Variants in DGCR2 observed in about 807,000 individuals in gnomAD.
DGCR2 encodes the protein DiGeorge syndrome critical region gene 2, also known as integral membrane protein DGCR2/IDD.
Under a neutral mutation model 51.6 loss-of-function variants are expected in DGCR2, and 24 were observed. The observed-to-expected ratio is 0.47, with a 90% CI of 0.34 to 0.65. The LOEUF (loss-of-function observed/expected upper bound fraction) is 0.65, where lower values mean the gene tolerates loss of function less well. Ranked by LOEUF, DGCR2 falls within the 30% of genes least tolerant of loss-of-function variation. The probability of loss-of-function intolerance (pLI) is 0.01; values close to 1 mark genes in which losing one functional copy is unlikely to be tolerated. For missense variants in DGCR2, 765 were observed against 772.1 expected (o/e 0.99, Z 0.11); for synonymous variants, 340 against 315.4 (o/e 1.08, Z -0.82).
At chr22:19,079,231 C>T (rs1009647431) in intron 2 of DGCR2, among the ~76,000 whole-genome samples, 1 of 152,102 alleles carries the variant, frequency 6.6e-6, no homozygotes, top group Non-Finnish European at 1.5e-5. Context: ...TGAGTGCCAA[C>T]GTTGTACTCA....
chr22:19,059,954 A>G (rs1160266027), intron 5 of DGCR2, among the ~76,000 whole-genome samples: 1 of 152,084 alleles, frequency 6.6e-6, no homozygotes, highest in Non-Finnish European at 1.5e-5. Context: ...GAGCCCTCAA[A>G]GAACCTCCCC....
At chr22:19,115,386 C>T (rs945270186) in intron 1 of DGCR2, among the ~76,000 whole-genome samples, 1 of 152,232 alleles carries the variant, frequency 6.6e-6, no homozygotes, top group African/African-American at 2.4e-5. Flanking sequence ...TCTCACCTCT[C>T]AGCTCAGCTC....
At chr22:19,056,846 G>T in intron 6 of DGCR2, 140 bp downstream of exon 6, 1 of 954,038 alleles carries the variant, frequency 1.0e-6, no homozygotes, top group Non-Finnish European at 1.5e-6. Context: ...TGGGCCCCAA[G>T]AACAAGGTGT....
chr22:19,091,546 T>C (rs994426550), intron 1 of DGCR2, among the ~76,000 whole-genome samples: 2 of 152,222 alleles, frequency 1.3e-5, no homozygotes, highest in African/African-American at 2.4e-5. Context: ...GAAACTACTG[T>C]AACTGCTAAT....
At chr22:19,103,416 C>CTTTTTTTTTTTTTTTTTTTTTTT (rs55877455) in intron 1 of DGCR2, among the ~76,000 whole-genome samples, 1 of 67,716 alleles carries the variant, frequency 1.5e-5, no homozygotes, top group Non-Finnish European at 3.0e-5. Context: ...AAAAAAAGTT[C>CTTTTTTTTTTTTTTTTTTTTTTT]TTTTTTTTTT....
At chr22:19,116,716 G>GT (rs1006328063) in intron 1 of DGCR2, among the ~76,000 whole-genome samples, 15 of 152,134 alleles carry the variant, frequency 9.9e-5, no homozygotes, top group Admixed American at 9.8e-4. Flanking sequence ...ATTCCACTTA[G>GT]AGTCAAGAAA....
chr22:19,100,348 C>T (rs1182251254), intron 1 of DGCR2, among the ~76,000 whole-genome samples: 1 of 152,164 alleles, frequency 6.6e-6, no homozygotes. Flanking sequence ...TGATGACTGT[C>T]ACCTTGCTGT....
At chr22:19,049,688 G>C (rs563651917) in intron 6 of DGCR2, among the ~76,000 whole-genome samples, 2 of 152,104 alleles carry the variant, frequency 1.3e-5, no homozygotes, top group Admixed American at 6.5e-5. Context: ...TTAGCCAAGC[G>C]TGGTGGCATG....
At chr22:19,108,230 A>C (rs2083278766) in intron 1 of DGCR2, among the ~76,000 whole-genome samples, 2 of 152,324 alleles carry the variant, frequency 1.3e-5, no homozygotes, top group Admixed American at 1.3e-4. Context: ...ATGATAAATC[A>C]GACTTCTTTA....
chr22:19,071,568 T>C (rs1043832029), intron 2 of DGCR2, among the ~76,000 whole-genome samples: 1 of 152,120 alleles, frequency 6.6e-6, no homozygotes, highest in African/African-American at 2.4e-5. Flanking sequence ...ACCTGGACTC[T>C]TCAAATATGG....
intron 7 of DGCR2, 37 bp from the exon 8 acceptor site, chr22:19,041,996 G>T (rs538321812): frequency 2.5e-6 from 4 of 1,600,050 alleles, no homozygotes; most frequent in Non-Finnish European, 3.4e-6. Flanking sequence ...CTCTGAGAAG[G>T]GGGCCACCCT....
chr22:19,107,122 G>C (rs1030266935), intron 1 of DGCR2, among the ~76,000 whole-genome samples: 1 of 152,146 alleles, frequency 6.6e-6, no homozygotes, highest in African/African-American at 2.4e-5. Context: ...CTAAATGGCA[G>C]TAGCTCCCCA....
intron 1 of DGCR2, among the ~76,000 whole-genome samples, chr22:19,093,848 A>G (rs942283478): frequency 6.6e-6 from 1 of 152,038 alleles, no homozygotes; most frequent in Non-Finnish European, 1.5e-5. Context: ...CAAAAAAAAA[A>G]CAAAAAAATT....
chr22:19,040,786 A>C (rs1025964527), intron 9 of DGCR2, among the ~76,000 whole-genome samples: 2 of 152,200 alleles, frequency 1.3e-5, no homozygotes, highest in African/African-American at 4.8e-5. Flanking sequence ...GGCTGCCCAG[A>C]TGACAGGTGC....
intron 3 of DGCR2, chr22:19,065,322 G>C: frequency 6.0e-6 from 3 of 498,418 alleles, no homozygotes; most frequent in Non-Finnish European, 1.1e-5. Flanking sequence ...TTATTCACTA[G>C]TCAAGAACGG....
chr22:19,064,754 G>T, intron 4 of DGCR2, 94 bp downstream of exon 4: 1 of 1,238,652 alleles, frequency 8.1e-7, no homozygotes, highest in Non-Finnish European at 1.1e-6. Flanking sequence ...TCTGCCAGCT[G>T]TGCTCCAGGA....
chr22:19,048,361 C>A (rs558342126), intron 7 of DGCR2, 79 bp downstream of exon 7: 1 of 1,473,094 alleles, frequency 6.8e-7, no homozygotes, highest in Non-Finnish European at 9.5e-7. Context: ...GAGTCCTCAC[C>A]ACTGAGGAAG....
chr22:19,060,273 T>C (rs2082646427), intron 5 of DGCR2, among the ~76,000 whole-genome samples: 1 of 152,202 alleles, frequency 6.6e-6, no homozygotes, highest in South Asian at 2.1e-4. Context: ...CCCTGACTGC[T>C]GGCCTCAGCG....
At chr22:19,113,851 G>C (rs1469802705) in intron 1 of DGCR2, among the ~76,000 whole-genome samples, 1 of 152,114 alleles carries the variant, frequency 6.6e-6, no homozygotes, top group Non-Finnish European at 1.5e-5. Flanking sequence ...CTGAGGTTGG[G>C]AGTTTGAGAC....
Sources: allele counts gnomAD v4.1 joint callset (sites outside exome capture counted in the v4.1 genomes callset), GRCh38; gene constraint gnomAD v4.1.1; transcripts MANE v1.5; gene names NCBI Gene and HGNC (gene_info 2026-07-23, HGNC 2026-07-21).